Variants in CSMD1 observed in about 807,000 individuals in gnomAD.
CSMD1 encodes the protein CUB and Sushi multiple domains 1.
In CSMD1, 213 loss-of-function variants were observed where a neutral mutation model predicts 417.5. That is an observed-to-expected ratio of 0.51 (90% CI 0.46 to 0.57). CSMD1 has a LOEUF of 0.57. CSMD1 is among the 20% of genes least tolerant of loss of function. The pLI is 0.00. For missense variants in CSMD1, 6,923 were observed against 4,529.7 expected (o/e 1.53, Z -15.17); for synonymous variants, 2,862 against 1,736.8 (o/e 1.65, Z -16.11).
intron 1 of CSMD1, among the ~76,000 whole-genome samples, chr8:4,874,749 G>C (rs1802943936): frequency 6.6e-6 from 1 of 151,156 alleles, no homozygotes; most frequent in Non-Finnish European, 1.5e-5. Flanking sequence ...AAGTTATATA[G>C]ATGGATATTT....
chr8:4,037,801 G>C (rs879852825), intron 3 of CSMD1, among the ~76,000 whole-genome samples: 1 of 151,988 alleles, frequency 6.6e-6, no homozygotes, highest in East Asian at 1.9e-4. Context: ...TTCCAGGTTG[G>C]AATTGAATCT....
intron 41 of CSMD1, among the ~76,000 whole-genome samples, chr8:3,131,941 A>T (rs1000849971): frequency 1.3e-5 from 2 of 152,230 alleles, no homozygotes; most frequent in Non-Finnish European, 1.5e-5. Flanking sequence ...TGGTGTAGAG[A>T]ACTAAATTCA....
At position 4,259,734 on chromosome 8, in the gene CSMD1, C is replaced by T. The variant is rs867557564; in HGVS notation, c.415+160219G>A. 9.9e-5 allele frequency among the ~76,000 whole-genome samples: 15 copies of T among 152,134 alleles called. No homozygotes were observed. In the South Asian group the frequency reaches 2.7e-3, roughly 27 times the overall value. Reference sequence around the variant, plus strand: ...AATAATTTTGCCACAAATATATACACATACACATGTATTTCATAAACCCTA... The same window carrying T: ...AATAATTTTGCCACAAATATATACATATACACATGTATTTCATAAACCCTA... On this transcript the variant is annotated intron_variant, in intron 3 of 69. Coordinates refer to ENST00000635120, the MANE Select transcript of CSMD1 (RefSeq NM_033225.6).
intron 5 of CSMD1, among the ~76,000 whole-genome samples, chr8:3,879,323 A>C (rs1806050116): frequency 7.0e-6 from 1 of 142,036 alleles, no homozygotes; most frequent in African/African-American, 2.9e-5. Flanking sequence ...GCCAAATCTA[A>C]ATCATTACAA....
chr8:2,981,791 A>T lies in CSMD1; in HGVS notation c.8378-2991T>A, dbSNP rs1185097300. Among the ~76,000 whole-genome samples the T allele has an allele frequency of 3.9e-5, 6 of 152,222 alleles. No homozygotes were observed. In the South Asian group the frequency reaches 1.0e-3, roughly 26 times the overall value. ...AGAAATTAATACCGGGATCAATAAC[A>T]GGTCCAAAGTCACAATGACAATTGA... is the stretch of plus-strand genomic sequence containing the variant. On this transcript the variant is annotated intron_variant, in intron 54 of 69. Transcript: ENST00000635120.
intron 3 of CSMD1, among the ~76,000 whole-genome samples, chr8:4,399,758 T>G (rs1804524038): frequency 6.6e-6 from 1 of 152,220 alleles, no homozygotes; most frequent in Non-Finnish European, 1.5e-5. Context: ...ATCAGGCTCC[T>G]GAATTTTCCT....
At chr8:4,011,146 G>T (rs987396467) in intron 4 of CSMD1, among the ~76,000 whole-genome samples, 3 of 152,144 alleles carry the variant, frequency 2.0e-5, no homozygotes, top group African/African-American at 7.2e-5. Flanking sequence ...CTTCAATTTT[G>T]ATGCCTACTT....
chr8:3,707,030 C>T (rs1585108312), intron 7 of CSMD1, among the ~76,000 whole-genome samples: 1 of 151,728 alleles, frequency 6.6e-6, no homozygotes. Context: ...ACACCTAAGA[C>T]CAGAGGGGTA....
intron 5 of CSMD1, among the ~76,000 whole-genome samples, chr8:3,888,719 A>T (rs1806736686): frequency 6.6e-6 from 1 of 152,084 alleles, no homozygotes; most frequent in South Asian, 2.1e-4. Flanking sequence ...CTGGCTGAAG[A>T]CCTTATTGAG....
rs999853794 is a variant in CSMD1 at position 4,142,901 on chromosome 8, G to A, written c.416-110802C>T. On this transcript the variant is annotated intron_variant, in intron 3 of 69. Transcript: ENST00000635120. ...TGATTAGTAGCTGACAACACAATAG[G>A]AGAAATTATTTTTAGGTCATATGTT... 1.3e-5 allele frequency among the ~76,000 whole-genome samples: 2 copies of A among 150,736 alleles called. 1 individual carries two copies. Among genetic ancestry groups the A allele is most frequent in the African/African-American group, 5.0e-5 (2 of 40,250 alleles).
chr8:3,787,163 G>A (rs2623668), intron 5 of CSMD1, among the ~76,000 whole-genome samples: 20,524 of 152,062 alleles, frequency 0.13, 1,962 homozygotes, highest in East Asian at 0.38. Flanking sequence ...TAATCAGGTA[G>A]CTTTCACTTT....
intron 1 of CSMD1, among the ~76,000 whole-genome samples, chr8:4,858,279 C>G (rs995994396): frequency 1.3e-5 from 2 of 151,388 alleles, no homozygotes; most frequent in Admixed American, 6.6e-5. Context: ...ATAATAAAAG[C>G]TATCTATGAC....
At chr8:4,818,326 T>G (rs1266120021) in intron 1 of CSMD1, among the ~76,000 whole-genome samples, 2 of 152,192 alleles carry the variant, frequency 1.3e-5, no homozygotes, top group African/African-American at 4.8e-5. Context: ...ATTACAAAAG[T>G]ATAAATTTGA....
intron 3 of CSMD1, among the ~76,000 whole-genome samples, chr8:4,250,545 A>T (rs917998442): frequency 3.9e-5 from 6 of 152,096 alleles, no homozygotes; most frequent in African/African-American, 1.4e-4. Flanking sequence ...CAACCCTCAA[A>T]AGTTTAGAAT....
chr8:3,038,688 T>G (rs112617535), intron 50 of CSMD1, among the ~76,000 whole-genome samples: 44 of 142,706 alleles, frequency 3.1e-4, no homozygotes, highest in African/African-American at 1.0e-3. Flanking sequence ...TAGAGCTCTT[T>G]GCTGAAAAAA....
At chr8:4,055,175 C>T (rs146929008) in intron 3 of CSMD1, among the ~76,000 whole-genome samples, 89 of 152,216 alleles carry the variant, frequency 5.8e-4, no homozygotes, top group African/African-American at 1.4e-3. Flanking sequence ...ATTTCTCATA[C>T]GCAGTCAAGT....
chr8:4,339,175 G>T (rs1238532070), intron 3 of CSMD1, among the ~76,000 whole-genome samples: 1 of 152,072 alleles, frequency 6.6e-6, no homozygotes, highest in Non-Finnish European at 1.5e-5. Flanking sequence ...CTTGAGCCAG[G>T]CTTTATCTCC....
chr8:3,322,634 G>C (rs188015504), intron 23 of CSMD1, among the ~76,000 whole-genome samples: 46 of 152,258 alleles, frequency 3.0e-4, no homozygotes, highest in African/African-American at 9.9e-4. Flanking sequence ...CAAAGTTGTA[G>C]GGACGCCCCT....
chr8:4,593,624 T>C (rs2130739861), intron 2 of CSMD1, among the ~76,000 whole-genome samples: 2 of 152,292 alleles, frequency 1.3e-5, no homozygotes, highest in East Asian at 3.9e-4. Flanking sequence ...TTTATGATTT[T>C]TGTGATCCGG....
Sources: gnomAD v4.1 joint callset for allele counts (sites outside exome capture counted in the v4.1 genomes callset) on GRCh38, gnomAD v4.1.1 for gene constraint, MANE v1.5 for transcripts, NCBI Gene and HGNC (gene_info 2026-07-23, HGNC 2026-07-21) for gene names.